PCSK5: variants seen among roughly 807,000 people sequenced by gnomAD.
The protein encoded by PCSK5 is prohormone convertase 5.
PCSK5 carries 129 observed loss-of-function variants against 233.2 expected under a neutral mutation model. The observed-to-expected ratio is 0.55, with a 90% CI of 0.48 to 0.64. The LOEUF (loss-of-function observed/expected upper bound fraction) is 0.64. Ranked by LOEUF, PCSK5 falls within the 30% of genes least tolerant of loss-of-function variation. The pLI is 0.00. For synonymous variants in PCSK5, 825 were observed against 879.2 expected (o/e 0.94, Z 1.09); for missense variants, 2,076 against 2,430.1 (o/e 0.85, Z 3.06).
chr9:76,342,230 G>A lies in PCSK5; in HGVS notation c.4966+3783G>A, dbSNP rs569559627. Among the ~76,000 whole-genome samples, 10 of 152,180 alleles carry A rather than the reference G, an allele frequency of 6.6e-5. No individual in the cohort carries two copies. In the East Asian group the frequency reaches 1.9e-3, roughly 29 times the overall value. On this transcript the variant is annotated intron_variant, in intron 35 of 37. Coordinates refer to ENST00000674117, the MANE Select transcript of PCSK5 (RefSeq NM_001372043.1). ...TTTTAATGCATATGTGTCACTAATG[G>A]ATAATCAGATTCTTAGAAGAGGATT...
chr9:75,975,392 A>G (rs1437490209), intron 2 of PCSK5, among the ~76,000 whole-genome samples: 3 of 152,150 alleles, frequency 2.0e-5, no homozygotes, highest in African/African-American at 7.2e-5. Flanking sequence ...GTGGTGTGTT[A>G]TATTGAGAAG....
At position 76,328,249 on chromosome 9, in the gene PCSK5, T is replaced by A; in HGVS notation, c.4570+10T>A. 2 of 1,585,402 alleles carry A rather than the reference T, an allele frequency of 1.3e-6. No individual in the cohort carries two copies. Among genetic ancestry groups the A allele is most frequent in the Non-Finnish European group, 8.7e-7 (1 of 1,154,772 alleles). ...AACAGCCTTCTTCTCAGTGAGTTACTTCTCCGAGGACAGCTTTGTGTTTCC... is the reference window on the plus strand; with the variant it reads ...AACAGCCTTCTTCTCAGTGAGTTACATCTCCGAGGACAGCTTTGTGTTTCC... On this transcript the variant is annotated intron_variant, in intron 33 of 37. Transcript: ENST00000674117.
At chr9:76,181,838 T>C (rs1047158760) in intron 16 of PCSK5, among the ~76,000 whole-genome samples, 1 of 152,200 alleles carries the variant, frequency 6.6e-6, no homozygotes, top group African/African-American at 2.4e-5. Context: ...GCCTGGGGTA[T>C]AGTCGTGCTC....
At chr9:76,268,661 T>C (rs1258531882) in intron 24 of PCSK5, among the ~76,000 whole-genome samples, 1 of 151,970 alleles carries the variant, frequency 6.6e-6, no homozygotes, top group South Asian at 2.1e-4. Flanking sequence ...CTGGGGAACA[T>C]AGTGACACCT....
intron 24 of PCSK5, among the ~76,000 whole-genome samples, chr9:76,267,667 T>C (rs1253021864): frequency 6.6e-6 from 1 of 152,188 alleles, no homozygotes; most frequent in Non-Finnish European, 1.5e-5. Flanking sequence ...AGTGGTGGCC[T>C]GCCCCATTGG....
chr9:76,159,541 C>T (rs892284998), intron 12 of PCSK5, among the ~76,000 whole-genome samples: 5 of 152,214 alleles, frequency 3.3e-5, no homozygotes, highest in African/African-American at 4.8e-5. Flanking sequence ...CAAGCACTTA[C>T]TTTCAAAACT....
At chr9:75,981,742 T>C (rs1459538794) in intron 2 of PCSK5, among the ~76,000 whole-genome samples, 1 of 152,126 alleles carries the variant, frequency 6.6e-6, no homozygotes, top group African/African-American at 2.4e-5. Context: ...TCTTTTTTTT[T>C]GTAAAGATGG....
Position 76,323,078 on chromosome 9 carries a change from G to C in PCSK5, c.4129G>C (p.Asp1377His), listed in dbSNP as rs780259704. 3 of 1,606,696 alleles carry C rather than the reference G, an allele frequency of 1.9e-6. No individual in the cohort carries two copies. In the Admixed American group the frequency reaches 5.1e-5, roughly 27 times the overall value. The change falls in exon 32 of 38, where the codon GAT (aspartate) becomes CAT (histidine). Residue 1377 changes from aspartate (D) to histidine (H), a missense_variant. Asp to His is a moderately conservative substitution (Grantham distance 81). Transcript: ENST00000674117. ...KECTPEFFLH[D>H]DMCHQSCPRG... ...GTGCACGCCTGAGTTCTTCCTGCAC[G>C]ATGATATGTGCCACCAGTCCTGTCC...
At chr9:76,180,303 C>T (rs1823806249) in intron 15 of PCSK5, among the ~76,000 whole-genome samples, 2 of 151,960 alleles carry the variant, frequency 1.3e-5, no homozygotes, top group Admixed American at 6.6e-5. Flanking sequence ...TGAACTTATT[C>T]CTCCCATCTC....
At chr9:76,326,329 T>C (rs1829358139) in intron 32 of PCSK5, among the ~76,000 whole-genome samples, 1 of 151,994 alleles carries the variant, frequency 6.6e-6, no homozygotes, top group African/African-American at 2.4e-5. Context: ...AATGTTTCAG[T>C]GAGCCATGAT....
chr9:75,931,615 G>A (rs1352738853), intron 1 of PCSK5, among the ~76,000 whole-genome samples: 1 of 152,180 alleles, frequency 6.6e-6, no homozygotes, highest in Non-Finnish European at 1.5e-5. Context: ...GGTTGGTTGA[G>A]GTTTTGCTAG....
intron 20 of PCSK5, among the ~76,000 whole-genome samples, chr9:76,224,067 A>G (rs1825807175): frequency 6.6e-6 from 1 of 152,200 alleles, no homozygotes; most frequent in Non-Finnish European, 1.5e-5. Flanking sequence ...AGACAGGCAC[A>G]GTTTAGTTGT....
chr9:76,301,269 C>CA (rs35450863), intron 27 of PCSK5, among the ~76,000 whole-genome samples: 66,923 of 128,822 alleles, frequency 0.52, 17,210 homozygotes, highest in East Asian at 0.87. Flanking sequence ...GCGACTCTCT[C>CA]AAAAAAAAAA....
chr9:75,923,479 C>T (rs962075475), intron 1 of PCSK5, among the ~76,000 whole-genome samples: 4 of 152,070 alleles, frequency 2.6e-5, no homozygotes, highest in Non-Finnish European at 4.4e-5. Context: ...TAGCAGAGTA[C>T]CTATATTGCT....
At chr9:76,078,701 A>G (rs1205844203) in intron 7 of PCSK5, among the ~76,000 whole-genome samples, 3 of 152,144 alleles carry the variant, frequency 2.0e-5, no homozygotes, top group Admixed American at 6.5e-5. Flanking sequence ...TTATGTACCA[A>G]TGTCATGCTG....
At chr9:75,955,273 A>G (rs561013653) in intron 2 of PCSK5, among the ~76,000 whole-genome samples, 1 of 152,218 alleles carries the variant, frequency 6.6e-6, no homozygotes, top group African/African-American at 2.4e-5. Flanking sequence ...TCTTTCTGAC[A>G]AAAATATAGA....
chr9:76,029,334 A>G (rs62558820), intron 5 of PCSK5, among the ~76,000 whole-genome samples: 11,603 of 152,256 alleles, frequency 0.076, 461 homozygotes, highest in South Asian at 0.095. Context: ...GGGGACTTAC[A>G]TACAGTCCAC....
chr9:76,349,273 C>CA (rs71372068), intron 35 of PCSK5, among the ~76,000 whole-genome samples: 25,801 of 66,106 alleles, frequency 0.39, 3,463 homozygotes, highest in Middle Eastern at 0.48. Flanking sequence ...GACTCTGTCT[C>CA]AAAAAAAAAA....
intron 32 of PCSK5, 51 bp from the exon 33 acceptor site, chr9:76,327,958 G>C (rs1829414786): frequency 1.7e-6 from 2 of 1,178,630 alleles, no homozygotes; most frequent in Non-Finnish European, 1.3e-6. Context: ...ATTCCCACGA[G>C]GGCCACCCTG....
Sources: allele counts gnomAD v4.1 joint callset (sites outside exome capture counted in the v4.1 genomes callset), GRCh38; gene constraint gnomAD v4.1.1; transcripts MANE v1.5; gene names NCBI Gene and HGNC (gene_info 2026-07-23, HGNC 2026-07-21).